FBH1: variants seen among roughly 807,000 people sequenced by gnomAD.
FBH1 encodes F-box DNA helicase 1.
A neutral mutation model predicts 115.5 loss-of-function variants in FBH1; 43 were observed. The ratio of observed to expected loss-of-function variants is 0.37; its 90% CI spans 0.29 to 0.48. FBH1 has a LOEUF of 0.48. Among genes scored for constraint, FBH1 ranks in the 20% least tolerant of loss-of-function variants. FBH1 has a pLI of 0.99. For missense variants in FBH1, 1,001 were observed against 1,337.3 expected, an observed-to-expected ratio of 0.75 and a Z score of 3.92; for synonymous variants, 524 against 507.8, an observed-to-expected ratio of 1.03 and a Z score of -0.43.
At chr10:5,926,071 G>A (rs1832628908) in intron 18 of FBH1, among the ~76,000 whole-genome samples, 1 of 151,506 alleles carries the variant, frequency 6.6e-6, no homozygotes, top group African/African-American at 2.4e-5. Flanking sequence ...ACAGACATTT[G>A]TCTGCTTTCT....
chr10:5,907,750 A>T (rs572175008), intron 3 of FBH1, among the ~76,000 whole-genome samples: 4 of 152,358 alleles, frequency 2.6e-5, no homozygotes, highest in East Asian at 3.9e-4. Flanking sequence ...CAGGGATTAC[A>T]GGCATAAACC....
chr10:5,896,573 A>T (rs1186019855), intron 1 of FBH1, among the ~76,000 whole-genome samples: 2 of 152,160 alleles, frequency 1.3e-5, no homozygotes, highest in African/African-American at 4.8e-5. Context: ...TGAGGGCTCT[A>T]ACACATTTCT....
In FBH1 at chr10:5,923,100, C is replaced by G. The variant is rs185740117; in HGVS notation, c.2323-521C>G. On this transcript the variant is annotated intron_variant, in intron 15 of 20. Transcript: ENST00000362091. This position sits in a 1 kb window ranked among gnomAD's most constrained non-coding sequence, Gnocchi z 5.7. ...GTTTCACCATGTTGGCCAGGCTGGT[C>G]TTGAACTCCTGGCCTCAAGTGATCC... 4.1e-4 allele frequency among the ~76,000 whole-genome samples: 62 copies of G among 152,290 alleles called. 1 individual carries two copies. The highest frequency in any genetic ancestry group is 1.2e-4 in the Non-Finnish European group (8 of 68,028).
Position 5,918,531 on chromosome 10 carries a change from G to A in FBH1, c.2100+53G>A, listed in dbSNP as rs899293963. ...TTGCATCTCTCTCCCAATGTCTTAC[G>A]TGCCAGGCCCTGTGAAAGGTGGTAT... On this transcript the variant is annotated intron_variant, in intron 13 of 20. Coordinates refer to ENST00000362091, the MANE Select transcript of FBH1 (RefSeq NM_178150.3). This position sits in a 1 kb window ranked among gnomAD's most constrained non-coding sequence, Gnocchi z 4.0. 1.9e-5 allele frequency: 29 copies of A among 1,500,190 alleles called. No homozygotes were observed. The highest frequency in any genetic ancestry group is 2.5e-5 in the East Asian group (1 of 39,790). 92.9% of individuals were successfully genotyped at this position (1,500,190 alleles called of 1,614,324 possible). A position where few individuals can be genotyped will look rare whatever the true frequency, so the allele number is the denominator to read the frequency against.
At position 5,911,973 on chromosome 10, in the gene FBH1, GA is replaced by G. The variant is rs1207997146; in HGVS notation, c.1211+847del. Among the ~76,000 whole-genome samples, 1 of 152,110 alleles carries G rather than the reference GA, an allele frequency of 6.6e-6. No individual in the cohort carries two copies. The highest frequency in any genetic ancestry group is 1.5e-5 in the Non-Finnish European group (1 of 68,018). On this transcript the variant is annotated intron_variant, in intron 6 of 20. Coordinates refer to ENST00000362091, the MANE Select transcript of FBH1 (RefSeq NM_178150.3). The surrounding 1 kb of genome is among the most constrained non-coding windows in gnomAD (Gnocchi z 5.4). ...TGGGAATGAATTTGGGACATGTGAGGAAGAGAAAAAGTGCAGTGTGGCAAGG... is the reference window on the plus strand; with the variant it reads ...TGGGAATGAATTTGGGACATGTGAGGAGAGAAAAAGTGCAGTGTGGCAAGG...
At chr10:5,902,490 C>CT (rs1390826152) in intron 1 of FBH1, among the ~76,000 whole-genome samples, 1 of 151,818 alleles carries the variant, frequency 6.6e-6, no homozygotes, top group African/African-American at 2.4e-5. Context: ...GTGACAACTT[C>CT]TTTTTTTGCT....
Position 5,900,640 on chromosome 10 carries a change from T to G in FBH1, c.2-2380T>G, listed in dbSNP as rs1843292400. On this transcript the variant is annotated intron_variant, in intron 1 of 20. Coordinates refer to ENST00000362091, the MANE Select transcript of FBH1 (RefSeq NM_178150.3). This position sits in a 1 kb window ranked among gnomAD's most constrained non-coding sequence, Gnocchi z 4.2. ...TTGATTTTGGAAAAGTCTTAAAATA[T>G]TCATGAAGTTTTTTTTTAAAAAAGC... 6.6e-6 allele frequency among the ~76,000 whole-genome samples: 1 copy of G among 152,240 alleles called. No individual in the cohort carries two copies. The highest frequency in any genetic ancestry group is 1.5e-5 in the Non-Finnish European group (1 of 68,044).
At chr10:5,922,649 C>T (rs984291582) in intron 15 of FBH1, among the ~76,000 whole-genome samples, 13 of 152,144 alleles carry the variant, frequency 8.5e-5, no homozygotes, top group Non-Finnish European at 1.6e-4. Context: ...TTATTTTGCC[C>T]GCTGTTTTAT....
At position 5,906,511 on chromosome 10, in the gene FBH1, A is replaced by G; in HGVS notation, c.632A>G (p.His211Arg). 6.2e-7 allele frequency: 1 copy of G among 1,614,030 alleles called. No homozygotes were observed. The highest frequency in any genetic ancestry group is 1.1e-5 in the South Asian group (1 of 91,058). The stretch of plus-strand genomic sequence containing the variant: ...TTGCCCTGCCAGGAAGCACTGAGCC[A>G]CATTTGCAGCCTGCCTAGTGAGGTC... ...GTLPCQEALS[H>R]ICSLPSEVLR... The change falls in exon 3 of 21, where the codon CAC (histidine) becomes CGC (arginine). Residue 211 changes from histidine (H) to arginine (R), a missense_variant. Transcript: ENST00000362091. The surrounding 1 kb of genome is among the most constrained non-coding windows in gnomAD (Gnocchi z 7.3).
chr10:5,915,707 G>C lies in FBH1; in HGVS notation c.1565+136G>C. 5.5e-6 allele frequency: 4 copies of C among 722,882 alleles called. No homozygotes were observed. Among genetic ancestry groups the C allele is most frequent in the Non-Finnish European group, 9.1e-6 (4 of 441,124 alleles). The allele number at this position is 722,882 out of a possible 1,614,324, so 44.8% of individuals were successfully genotyped here. A position where few individuals can be genotyped will look rare whatever the true frequency, so the allele number is the denominator to read the frequency against. On this transcript the variant is annotated intron_variant, in intron 9 of 20. Coordinates refer to ENST00000362091, the MANE Select transcript of FBH1 (RefSeq NM_178150.3). This position sits in a 1 kb window ranked among gnomAD's most constrained non-coding sequence, Gnocchi z 5.2. Reference sequence around the variant, plus strand: ...GTGCTGTTATCTCCACTTACAGGCAGGAAACAAATACATAGGTTTAGCCAT... The same window carrying C: ...GTGCTGTTATCTCCACTTACAGGCACGAAACAAATACATAGGTTTAGCCAT...
rs541738488 is a variant in FBH1, at chr10:5,927,691, A to G, written c.2829+150A>G. 16 of 586,638 alleles carry G rather than the reference A, an allele frequency of 2.7e-5. No individual in the cohort carries two copies. The East Asian group carries it at 4.6e-4, about 17-fold the overall frequency. 36.3% of individuals were successfully genotyped at this position (586,638 alleles called of 1,614,324 possible). A position where few individuals can be genotyped will look rare whatever the true frequency, so the allele number is the denominator to read the frequency against. On this transcript the variant is annotated intron_variant, in intron 19 of 20. Coordinates refer to ENST00000362091, the MANE Select transcript of FBH1 (RefSeq NM_178150.3). Reference sequence around the variant, plus strand: ...CTTGAACGTGCAAAGGCCGATGACCAGTATAAGAAGTGTTCTAACCAAGGA... The same window carrying G: ...CTTGAACGTGCAAAGGCCGATGACCGGTATAAGAAGTGTTCTAACCAAGGA...
chr10:5,894,948 G>T, intron 1 of FBH1: 1 of 1,288,622 alleles, frequency 7.8e-7, no homozygotes, highest in Non-Finnish European at 1.1e-6. Context: ...TGTACAGGGC[G>T]GTTTTATTCC....
intron 18 of FBH1, among the ~76,000 whole-genome samples, chr10:5,926,452 T>C (rs985006997): frequency 6.6e-6 from 1 of 152,252 alleles, no homozygotes; most frequent in Non-Finnish European, 1.5e-5. Context: ...AAGGCTACTT[T>C]GTAATAAATT....
Position 5,937,093 on chromosome 10 carries a change from CTT to C in FBH1, c.2962-16_2962-15del. The stretch of plus-strand genomic sequence containing the variant: ...TTGGTTGTTCCCCTTAGCTCTCTCT[CTT>C]GTCCATCACCACAGAGCAACAGGAA... On this transcript the variant is annotated splice_polypyrimidine_tract_variant and intron_variant, in intron 20 of 20. Coordinates refer to ENST00000362091, the MANE Select transcript of FBH1 (RefSeq NM_178150.3). 1 of 1,581,440 alleles carries C rather than the reference CTT, an allele frequency of 6.3e-7. No homozygotes were observed. The highest frequency in any genetic ancestry group is 8.6e-7 in the Non-Finnish European group (1 of 1,162,240).
chr10:5,894,561 C>T lies in FBH1; in HGVS notation c.1+4215C>T, dbSNP rs1412854120. ...TAATCATGGCACAATTGTAGGATTG[C>T]TTTGAGGGTCAGACGAGAATATAGG... is the stretch of plus-strand genomic sequence containing the variant. On this transcript the variant is annotated intron_variant, in intron 1 of 20. Transcript: ENST00000362091. 3 of 801,874 alleles carry T rather than the reference C, an allele frequency of 3.7e-6. No homozygotes were observed. In the African/African-American group the frequency reaches 5.0e-5, roughly 13 times the overall value. The allele number at this position is 801,874 out of a possible 1,614,324, so 49.7% of individuals were successfully genotyped here.
chr10:5,905,865 A>G (rs1941552340), intron 2 of FBH1, among the ~76,000 whole-genome samples, 172 bp from the exon 3 acceptor site: 1 of 152,244 alleles, frequency 6.6e-6, no homozygotes, highest in African/African-American at 2.4e-5. Flanking sequence ...AGAGCCAAAT[A>G]TAAATATTGT....
rs749176204 is a variant in FBH1, at chr10:5,903,625, C to T, written c.157+450C>T. On this transcript the variant is annotated intron_variant, in intron 2 of 20. Transcript: ENST00000362091. The stretch of plus-strand genomic sequence containing the variant: ...ATTACAGGTGTGAGCCACCGCGCCC[C>T]GCCGAGTTTTCCATGAAAATTCTAT... Among the ~76,000 whole-genome samples the T allele has an allele frequency of 6.6e-4, 100 of 151,952 alleles. 1 individual carries two copies. Among genetic ancestry groups the T allele is most frequent in the Admixed American group, 3.6e-3 (55 of 15,258 alleles).
In FBH1 at chr10:5,921,559, A is replaced by T; in HGVS notation, c.2312A>T (p.His771Leu). The T allele has an allele frequency of 1.3e-6, 2 of 1,594,896 alleles. No individual in the cohort carries two copies. Among genetic ancestry groups the T allele is most frequent in the Non-Finnish European group, 1.7e-6 (2 of 1,175,600 alleles). Reference sequence around the variant, plus strand: ...GAAGGGGAATTCCCTTCAAGGATACATTTGATTGGGGTAAGAGTACATTTC... The same window carrying T: ...GAAGGGGAATTCCCTTCAAGGATACTTTTGATTGGGGTAAGAGTACATTTC... ...VTEGEFPSRI[H>L]LIGGIKSFGL... Residue 771 changes from histidine to leucine, a missense_variant, in exon 15 of 21, where the codon CAT (histidine) becomes CTT (leucine). By Grantham distance (99) the His-to-Leu change is moderately conservative (BLOSUM62 -3). Coordinates refer to ENST00000362091, the MANE Select transcript of FBH1 (RefSeq NM_178150.3). This position sits in a 1 kb window ranked among gnomAD's most constrained non-coding sequence, Gnocchi z 6.4.
chr10:5,933,354 C>T lies in FBH1; in HGVS notation c.2830-3102C>T, dbSNP rs1437119902. Among the ~76,000 whole-genome samples, 6 of 152,212 alleles carry T rather than the reference C, an allele frequency of 3.9e-5. No homozygotes were observed. The highest frequency in any genetic ancestry group is 3.9e-4 in the Admixed American group (6 of 15,286). ...AGTAGGCTGAAATCGTGCCACTGCA[C>T]TCCAGTGTGGGCAACAAAGTGAGAC... On this transcript the variant is annotated intron_variant, in intron 19 of 20. Coordinates refer to ENST00000362091, the MANE Select transcript of FBH1 (RefSeq NM_178150.3). This position sits in a 1 kb window ranked among gnomAD's most constrained non-coding sequence, Gnocchi z 4.9.
Sources: allele counts gnomAD v4.1 joint callset (sites outside exome capture counted in the v4.1 genomes callset), GRCh38; gene constraint gnomAD v4.1.1; non-coding constraint Gnocchi (gnomAD v3.1); transcripts MANE v1.5; gene names NCBI Gene and HGNC (gene_info 2026-07-23, HGNC 2026-07-21).